The following CWC27 variants were observed in gnomAD, a reference collection of about 807,000 sequenced individuals.
CWC27 encodes the protein CWC27 spliceosome associated cyclophilin, also known as spliceosome-associated protein CWC27 homolog.
Under a neutral mutation model 63.6 loss-of-function variants are expected in CWC27, and 47 were observed. That is an observed-to-expected ratio of 0.74 (90% CI 0.58 to 0.94). The LOEUF (loss-of-function observed/expected upper bound fraction) is 0.94. Among genes scored for constraint, CWC27 ranks in the 40% least tolerant of loss-of-function variants. The pLI is 0.00. For synonymous variants in CWC27, 175 were observed against 179.8 expected (o/e 0.97, Z 0.22); for missense variants, 495 against 554.3 (o/e 0.89, Z 1.07).
At chr5:64,901,437 G>A (rs1333762376) in intron 11 of CWC27, among the ~76,000 whole-genome samples, 2 of 146,418 alleles carry the variant, frequency 1.4e-5, no homozygotes, top group Non-Finnish European at 3.0e-5. Flanking sequence ...CAGCCTGGGT[G>A]ACAGAGCGAG....
chr5:64,943,868 T>C (rs1433323549), intron 11 of CWC27, among the ~76,000 whole-genome samples: 2 of 152,148 alleles, frequency 1.3e-5, no homozygotes, highest in East Asian at 3.9e-4. Flanking sequence ...ACATGTGATC[T>C]GGACCAAACA....
At chr5:64,915,321 A>G (rs1204276948) in intron 11 of CWC27, among the ~76,000 whole-genome samples, 1 of 152,172 alleles carries the variant, frequency 6.6e-6, no homozygotes, top group Non-Finnish European at 1.5e-5. Flanking sequence ...TTATATAGAA[A>G]ATAATGTTTG....
chr5:64,778,485 T>C (rs898594988), intron 2 of CWC27, among the ~76,000 whole-genome samples: 2 of 152,210 alleles, frequency 1.3e-5, no homozygotes, highest in African/African-American at 4.8e-5. Context: ...TGATATATAC[T>C]GGGGTATATT....
chr5:64,960,533 T>G (rs890320960), intron 11 of CWC27, among the ~76,000 whole-genome samples: 1 of 152,020 alleles, frequency 6.6e-6, no homozygotes, highest in Non-Finnish European at 1.5e-5. Context: ...TAAGATCTGG[T>G]ATATTAAAAA....
At chr5:64,774,831 A>G in intron 2 of CWC27, 44 bp downstream of exon 2, 1 of 1,119,710 alleles carries the variant, frequency 8.9e-7, no homozygotes, top group Non-Finnish European at 1.3e-6. Context: ...TGTTAATTTA[A>G]AAATAAACTG....
chr5:64,828,894 A>C (rs898935721), intron 10 of CWC27, among the ~76,000 whole-genome samples: 1 of 152,196 alleles, frequency 6.6e-6, no homozygotes, highest in East Asian at 1.9e-4. Flanking sequence ...GTTAATCAAA[A>C]GAGTACATGC....
intron 7 of CWC27, among the ~76,000 whole-genome samples, chr5:64,790,267 C>CA (rs1288019329): frequency 5.3e-5 from 8 of 152,232 alleles, no homozygotes; most frequent in African/African-American, 1.9e-4. Context: ...CTCTAGATGT[C>CA]AAAACTAAAT....
chr5:64,873,583 T>G (rs1746727569), intron 10 of CWC27, among the ~76,000 whole-genome samples: 2 of 152,138 alleles, frequency 1.3e-5, no homozygotes, highest in African/African-American at 4.8e-5. Context: ...GGATATTAGC[T>G]CCTTGTCAGG....
intron 7 of CWC27, among the ~76,000 whole-genome samples, chr5:64,798,315 G>C (rs1221576936): frequency 6.6e-6 from 1 of 152,120 alleles, no homozygotes; most frequent in Non-Finnish European, 1.5e-5. Context: ...AAACCCCATG[G>C]AATTGTGGAA....
At chr5:64,816,867 A>G (rs921110775) in intron 10 of CWC27, among the ~76,000 whole-genome samples, 5 of 152,060 alleles carry the variant, frequency 3.3e-5, no homozygotes, top group Non-Finnish European at 7.4e-5. Context: ...TTTTCCTGGA[A>G]GAGAGTCATA....
At chr5:64,858,687 A>G (rs6885447) in intron 10 of CWC27, among the ~76,000 whole-genome samples, 55,114 of 151,714 alleles carry the variant, frequency 0.36, 10,603 homozygotes, top group East Asian at 0.51. Context: ...GGGCAATACA[A>G]ATTAAACCAC....
intron 10 of CWC27, among the ~76,000 whole-genome samples, chr5:64,855,882 T>A (rs1746246394): frequency 6.6e-6 from 1 of 152,112 alleles, no homozygotes; most frequent in African/African-American, 2.4e-5. Flanking sequence ...AGAAAGAAAT[T>A]CTTTCCTGTT....
At chr5:64,804,529 ATTAG>A in intron 10 of CWC27, 143 bp downstream of exon 10, 1 of 782,748 alleles carries the variant, frequency 1.3e-6, no homozygotes, top group Non-Finnish European at 1.9e-6. Context: ...AAATTGGCCC[ATTAG>A]CAGGCCTAAA....
intron 10 of CWC27, among the ~76,000 whole-genome samples, chr5:64,847,367 T>C (rs1204946875): frequency 6.6e-6 from 1 of 152,166 alleles, no homozygotes; most frequent in Non-Finnish European, 1.5e-5. Context: ...CATCTAACAT[T>C]GGAGCATCTA....
At chr5:64,968,616 A>G (rs1749066339) in intron 11 of CWC27, among the ~76,000 whole-genome samples, 1 of 152,176 alleles carries the variant, frequency 6.6e-6, no homozygotes, top group African/African-American at 2.4e-5. Context: ...GTATGATCCC[A>G]TTTGTATGAG....
At chr5:64,867,193 C>T (rs140395239) in intron 10 of CWC27, among the ~76,000 whole-genome samples, 1 of 152,124 alleles carries the variant, frequency 6.6e-6, no homozygotes. Context: ...TAAATTTTTC[C>T]AATGTCACAC....
At chr5:64,966,913 T>A (rs1431506) in intron 11 of CWC27, among the ~76,000 whole-genome samples, 69,164 of 151,908 alleles carry the variant, frequency 0.46, 15,920 homozygotes, top group African/African-American at 0.5. Flanking sequence ...ATACTTTTTG[T>A]CCAACTAACC....
chr5:64,866,619 C>T (rs1007313345), intron 10 of CWC27, among the ~76,000 whole-genome samples: 1 of 152,062 alleles, frequency 6.6e-6, no homozygotes, highest in Non-Finnish European at 1.5e-5. Context: ...TTTCATTCAA[C>T]TCAGAGTACC....
At chr5:64,952,749 C>T (rs939846398) in intron 11 of CWC27, among the ~76,000 whole-genome samples, 3 of 152,040 alleles carry the variant, frequency 2.0e-5, no homozygotes. Flanking sequence ...GGATACTAGA[C>T]ACTCTATTAC....
Sources: allele counts gnomAD v4.1 joint callset (sites outside exome capture counted in the v4.1 genomes callset), GRCh38; gene constraint gnomAD v4.1.1; transcripts MANE v1.5; gene names NCBI Gene and HGNC (gene_info 2026-07-23, HGNC 2026-07-21).